The following AK9 variants were observed in gnomAD, a reference collection of about 807,000 sequenced individuals.
AK9 encodes adenylate kinase domain containing 1.
A neutral mutation model predicts 239.6 loss-of-function variants in AK9; 191 were observed. That is an observed-to-expected ratio of 0.80 (90% confidence interval 0.71 to 0.90). The LOEUF is 0.90. AK9 is among the 40% of genes least tolerant of loss of function. The probability of loss-of-function intolerance (pLI) is 0.00; values close to 1 mark genes in which losing one functional copy is unlikely to be tolerated. For missense variants in AK9, 1,995 were observed against 2,214.7 expected (o/e 0.90, Z 1.99); for synonymous variants, 689 against 721.0 (o/e 0.96, Z 0.71).
intron 24 of AK9, among the ~76,000 whole-genome samples, chr6:109,553,614 G>C (rs1426417078): frequency 1.3e-5 from 2 of 152,046 alleles, no homozygotes; most frequent in Admixed American, 1.3e-4. Context: ...GAAATAATGG[G>C]GTATTCTAGA....
chr6:109,555,209 G>A (rs1026550838), intron 24 of AK9, among the ~76,000 whole-genome samples: 1 of 152,118 alleles, frequency 6.6e-6, no homozygotes, highest in African/African-American at 2.4e-5. Context: ...CTTGTACATT[G>A]TCTCTTTGTT....
In AK9 at chr6:109,672,031, G is replaced by T. The variant is rs568808468; in HGVS notation, c.235-16C>A. On this transcript the variant is annotated splice_polypyrimidine_tract_variant and intron_variant, in intron 4 of 40. Coordinates refer to ENST00000424296, the MANE Select transcript of AK9 (RefSeq NM_001145128.3). ...TTGATTGCAACTAAGGACAAGCATA[G>T]ATATTGTACATTACTGTATAATATA... is the stretch of plus-strand genomic sequence containing the variant. 4 of 1,612,558 alleles carry T rather than the reference G, an allele frequency of 2.5e-6. No individual in the cohort carries two copies. In the Admixed American group the frequency reaches 6.7e-5, roughly 27 times the overall value.
In AK9 at chr6:109,510,118, G is replaced by T. The variant is rs556915456; in HGVS notation, c.4280-738C>A. Among the ~76,000 whole-genome samples, 3 of 152,096 alleles carry T rather than the reference G, an allele frequency of 2.0e-5. No homozygotes were observed. The East Asian group carries it at 5.9e-4, about 30-fold the overall frequency. On this transcript the variant is annotated intron_variant, in intron 32 of 40. Coordinates refer to ENST00000424296, the MANE Select transcript of AK9 (RefSeq NM_001145128.3). ...CAGGCCAGGGAGGGCCTGAAGGCTGGGGGCTGGGATGCCGGTCTGTGGACA... is the reference window on the plus strand; with the variant it reads ...CAGGCCAGGGAGGGCCTGAAGGCTGTGGGCTGGGATGCCGGTCTGTGGACA...
rs1304598388 is a variant in AK9, at chr6:109,686,492, A to G, written c.-12+4655T>C. ...TTGACCCATTTAGTGGGTGACATGG[A>G]AAGCTGTCATTTTTGAGTGGGGCAC... On this transcript the variant is annotated intron_variant, in intron 1 of 40. Transcript: ENST00000424296. Among the ~76,000 whole-genome samples the G allele has an allele frequency of 2.0e-5, 3 of 152,160 alleles. 1 individual carries two copies. The highest frequency in any genetic ancestry group is 6.3e-3 in the Middle Eastern group (2 of 316).
intron 32 of AK9, among the ~76,000 whole-genome samples, chr6:109,511,881 A>G (rs1337632652): frequency 6.6e-6 from 1 of 152,224 alleles, no homozygotes; most frequent in East Asian, 1.9e-4. Context: ...GGTAATCTAC[A>G]TGTTCACCTT....
In AK9 at chr6:109,514,345, A is replaced by G; in HGVS notation, c.4158T>C (p.Ser1386=). Residue 1386 remains serine, a synonymous_variant, in exon 32 of 41, where the codon AGT becomes AGC. Transcript: ENST00000424296. The part of the protein sequence containing the change: ...IHRQYIYFLS[S]KETKEKFMKN... ...TCATAAATTTTTCTTTTGTTTCTTT[A>G]CTAGATAAAAAATAAATATACTGAC... The G allele has an allele frequency of 4.5e-6, 7 of 1,551,088 alleles. No homozygotes were observed. Among genetic ancestry groups the G allele is most frequent in the Non-Finnish European group, 6.1e-6 (7 of 1,146,604 alleles).
intron 13 of AK9, among the ~76,000 whole-genome samples, chr6:109,617,182 A>G (rs1000401788): frequency 1.3e-5 from 2 of 152,118 alleles, no homozygotes; most frequent in African/African-American, 2.4e-5. Flanking sequence ...CTGCATGAGA[A>G]GATCTAATAG....
At chr6:109,521,649 A>G (rs137922225) in intron 29 of AK9, among the ~76,000 whole-genome samples, 95 of 152,230 alleles carry the variant, frequency 6.2e-4, no homozygotes, top group African/African-American at 2.0e-3. Context: ...ATGGAAATCC[A>G]ATAAACAGCA....
chr6:109,646,857 C>T (rs1798132819), intron 8 of AK9, among the ~76,000 whole-genome samples: 1 of 152,212 alleles, frequency 6.6e-6, no homozygotes, highest in Admixed American at 6.5e-5. Context: ...GGGTTACCCA[C>T]AAAGAGAAGC....
intron 6 of AK9, among the ~76,000 whole-genome samples, chr6:109,661,291 G>A (rs1178686468): frequency 6.6e-6 from 1 of 152,142 alleles, no homozygotes; most frequent in Non-Finnish European, 1.5e-5. Context: ...CCCATCTAAG[G>A]TATTTCTCTC....
chr6:109,528,206 TC>T (rs907835816), intron 29 of AK9: 1 of 310,308 alleles, frequency 3.2e-6, no homozygotes. Flanking sequence ...CACTAGGGAC[TC>T]CCAAGGGCTT....
intron 5 of AK9, among the ~76,000 whole-genome samples, chr6:109,668,392 T>G (rs1801569209): frequency 6.6e-6 from 1 of 152,054 alleles, no homozygotes; most frequent in South Asian, 2.1e-4. Context: ...GCAAAAGCTC[T>G]TTAGTTTAAT....
At chr6:109,625,916 AT>A (rs141396859) in intron 12 of AK9, among the ~76,000 whole-genome samples, 7,181 of 149,956 alleles carry the variant, frequency 0.048, 555 homozygotes, top group African/African-American at 0.16. Flanking sequence ...ATCTTCAAGT[AT>A]TTTTTTTTTC....
intron 17 of AK9, among the ~76,000 whole-genome samples, chr6:109,595,045 A>T (rs977113207): frequency 1.3e-5 from 2 of 152,238 alleles, no homozygotes; most frequent in East Asian, 3.8e-4. Context: ...TGCACAGCAA[A>T]AGAAACCATC....
At chr6:109,599,205 T>C (rs1414838734) in intron 17 of AK9, among the ~76,000 whole-genome samples, 5 of 152,242 alleles carry the variant, frequency 3.3e-5, no homozygotes, top group Non-Finnish European at 5.9e-5. Context: ...TTTATGGTTT[T>C]AGGTCTAACA....
intron 21 of AK9, among the ~76,000 whole-genome samples, chr6:109,567,370 A>G (rs142224452): frequency 0.029 from 4,372 of 152,236 alleles, 101 homozygotes; most frequent in East Asian, 0.11. Flanking sequence ...CCCTCCCAAG[A>G]CTAAACCAGG....
intron 29 of AK9, among the ~76,000 whole-genome samples, chr6:109,526,946 T>C (rs1016099217): frequency 4.6e-5 from 7 of 152,196 alleles, no homozygotes; most frequent in Non-Finnish European, 4.4e-5. Context: ...ATGTGGACCC[T>C]GACTTGGGCC....
chr6:109,496,235 C>A (rs1777022529), intron 38 of AK9, among the ~76,000 whole-genome samples: 1 of 152,186 alleles, frequency 6.6e-6, no homozygotes, highest in Admixed American at 6.5e-5. Context: ...CTTCTTCCAG[C>A]AGTAGATGGG....
At chr6:109,619,963 T>C (rs1231493605) in intron 12 of AK9, among the ~76,000 whole-genome samples, 1 of 152,184 alleles carries the variant, frequency 6.6e-6, no homozygotes. Flanking sequence ...AGCAGAATGT[T>C]TTGGAGATTC....
Sources: allele counts gnomAD v4.1 joint callset (sites outside exome capture counted in the v4.1 genomes callset), GRCh38; gene constraint gnomAD v4.1.1; transcripts MANE v1.5; gene names NCBI Gene and HGNC (gene_info 2026-07-23, HGNC 2026-07-21).